The following ZFHX3 variants were observed in gnomAD, a reference collection of about 807,000 sequenced individuals.
The protein encoded by ZFHX3 is zinc finger homeobox 3, also known as zinc finger homeobox protein 3.
Under a neutral mutation model 279.1 loss-of-function variants are expected in ZFHX3, and 42 were observed. The observed-to-expected ratio is 0.15, with a 90% confidence interval of 0.12 to 0.19. The LOEUF (loss-of-function observed/expected upper bound fraction) is 0.19. Ranked by LOEUF, ZFHX3 falls within the 10% of genes least tolerant of loss-of-function variation. The pLI is 1.00. For synonymous variants in ZFHX3, 2,293 were observed against 1,957.8 expected (o/e 1.17, Z -4.52); for missense variants, 4,981 against 4,754.0 (o/e 1.05, Z -1.40).
At chr16:72,907,126 T>C (rs1391029130) in intron 3 of ZFHX3, among the ~76,000 whole-genome samples, 1 of 152,188 alleles carries the variant, frequency 6.6e-6, no homozygotes, top group Non-Finnish European at 1.5e-5. Context: ...CTAGCCTTAA[T>C]CTAGTCAGTC....
chr16:72,828,632 A>G (rs1170976473), intron 5 of ZFHX3, among the ~76,000 whole-genome samples: 2 of 143,360 alleles, frequency 1.4e-5, no homozygotes, highest in East Asian at 7.4e-4. Flanking sequence ...CAGGGCAGGC[A>G]CCACCTGTGC....
chr16:73,714,096 G>A (rs895701253), intron 1 of ZFHX3, among the ~76,000 whole-genome samples: 1 of 152,140 alleles, frequency 6.6e-6, no homozygotes, highest in African/African-American at 2.4e-5. Context: ...ATTATCCACA[G>A]TGATTCCTCC....
intron 2 of ZFHX3, among the ~76,000 whole-genome samples, chr16:73,532,352 A>C (rs575160602): frequency 6.6e-6 from 1 of 152,162 alleles, no homozygotes; most frequent in Admixed American, 6.5e-5. Context: ...GTGGCCATGT[A>C]AGACCTTCCT....
At chr16:72,942,181 G>A (rs1960440429) in intron 3 of ZFHX3, among the ~76,000 whole-genome samples, 1 of 152,182 alleles carries the variant, frequency 6.6e-6, no homozygotes. Flanking sequence ...CAAGTCCTCA[G>A]CAAGTTGAAA....
At chr16:73,130,905 G>T in intron 7 of ZFHX3, 4 of 1,266,976 alleles carry the variant, frequency 3.2e-6, no homozygotes, top group Non-Finnish European at 4.1e-6. Context: ...AACACGCTGG[G>T]CCCAGACAGT....
intron 2 of ZFHX3, among the ~76,000 whole-genome samples, chr16:73,543,720 C>A (rs1278964006): frequency 6.6e-6 from 1 of 152,048 alleles, no homozygotes; most frequent in Non-Finnish European, 1.5e-5. Context: ...CCCCCGCCCC[C>A]ACCTTCTCTT....
chr16:73,535,422 T>C (rs2143736891), intron 2 of ZFHX3, among the ~76,000 whole-genome samples: 1 of 152,342 alleles, frequency 6.6e-6, no homozygotes, highest in African/African-American at 2.4e-5. Context: ...TGGTGAGATC[T>C]GAGTGGCTAT....
intron 2 of ZFHX3, among the ~76,000 whole-genome samples, chr16:73,531,773 G>T (rs1289330160): frequency 6.7e-6 from 1 of 148,460 alleles, no homozygotes; most frequent in African/African-American, 2.5e-5. Context: ...CTGCAGATTT[G>T]CTATGTCCTA....
At chr16:72,980,892 G>C (rs7192365) in intron 1 of ZFHX3, among the ~76,000 whole-genome samples, 1 of 152,170 alleles carries the variant, frequency 6.6e-6, no homozygotes, top group East Asian at 1.9e-4. Flanking sequence ...TCATTGTTAA[G>C]TCAAGGTGAT....
chr16:72,926,067 C>T (rs1419641944), intron 3 of ZFHX3, among the ~76,000 whole-genome samples: 1 of 152,204 alleles, frequency 6.6e-6, no homozygotes, highest in Non-Finnish European at 1.5e-5. Context: ...GCACAGGCCT[C>T]CCTTTTTATC....
intron 1 of ZFHX3, among the ~76,000 whole-genome samples, chr16:73,006,654 A>G (rs1293640402): frequency 2.0e-5 from 3 of 150,376 alleles, no homozygotes; most frequent in African/African-American, 7.3e-5. Flanking sequence ...GAAACGAAAG[A>G]AAAGGAAAGG....
At chr16:73,331,069 C>T (rs988115083) in intron 3 of ZFHX3, among the ~76,000 whole-genome samples, 2 of 152,320 alleles carry the variant, frequency 1.3e-5, no homozygotes, top group African/African-American at 4.8e-5. Flanking sequence ...AATTGACTCA[C>T]AGTTCCACAT....
intron 1 of ZFHX3, among the ~76,000 whole-genome samples, chr16:73,692,762 G>A (rs1472593886): frequency 6.6e-6 from 1 of 152,282 alleles, no homozygotes; most frequent in Non-Finnish European, 1.5e-5. Flanking sequence ...GAGTTTCAGT[G>A]AAAATATGCC....
At chr16:73,093,452 T>TG (rs762969788) in exon 8 of ZFHX3, 2 of 495,814 alleles carry the variant, frequency 4.0e-6, no homozygotes, top group Admixed American at 2.1e-5. Flanking sequence ...TCAGCTCTTT[T>TG]GGGGGTTCCA....
intron 7 of ZFHX3, among the ~76,000 whole-genome samples, chr16:72,804,671 G>A (rs907054838): frequency 7.9e-5 from 12 of 152,264 alleles, no homozygotes; most frequent in South Asian, 6.2e-4. Flanking sequence ...TATACAGCCC[G>A]TGTCTGAGAT....
chr16:73,094,822 G>A (rs1427774639), intron 7 of ZFHX3, among the ~76,000 whole-genome samples: 1 of 152,106 alleles, frequency 6.6e-6, no homozygotes, highest in Non-Finnish European at 1.5e-5. Context: ...TGATTCTCCT[G>A]CTTCAGCCTC....
intron 2 of ZFHX3, among the ~76,000 whole-genome samples, chr16:73,467,141 CAAG>C (rs1303318400): frequency 4.6e-5 from 7 of 152,062 alleles, no homozygotes; most frequent in Admixed American, 3.9e-4. Flanking sequence ...CTTTGCATCT[CAAG>C]AAGTCATAAA....
intron 2 of ZFHX3, among the ~76,000 whole-genome samples, chr16:73,478,361 T>G (rs933814266): frequency 6.6e-6 from 1 of 152,066 alleles, no homozygotes; most frequent in Non-Finnish European, 1.5e-5. Context: ...ATTAAAAGTC[T>G]GATGCTCTAC....
intron 4 of ZFHX3, among the ~76,000 whole-genome samples, chr16:72,856,411 C>A (rs1278919053): frequency 1.3e-5 from 2 of 152,180 alleles, no homozygotes; most frequent in South Asian, 2.1e-4. Context: ...TGAAGAGCTG[C>A]GTCTCTATCA....
Sources: allele counts gnomAD v4.1 joint callset (sites outside exome capture counted in the v4.1 genomes callset), GRCh38; gene constraint gnomAD v4.1.1; transcripts MANE v1.5; gene names NCBI Gene and HGNC (gene_info 2026-07-23, HGNC 2026-07-21).